RNF43: variants seen among roughly 807,000 people sequenced by gnomAD.
RNF43 encodes E3 ubiquitin-protein ligase RNF43.
A neutral mutation model predicts 78.4 loss-of-function variants in RNF43; 37 were observed. The observed-to-expected ratio is 0.47, with a 90% CI of 0.36 to 0.62. The LOEUF (loss-of-function observed/expected upper bound fraction) is 0.62. Ranked by LOEUF, RNF43 falls within the 20% of genes least tolerant of loss-of-function variation. The probability of loss-of-function intolerance (pLI) is 0.00; values close to 1 mark genes in which losing one functional copy is unlikely to be tolerated. For missense variants in RNF43, 774 were observed against 1,007.9 expected, an observed-to-expected ratio of 0.77 and a Z score of 3.14; for synonymous variants, 347 against 395.0, an observed-to-expected ratio of 0.88 and a Z score of 1.44.
intron 2 of RNF43, among the ~76,000 whole-genome samples, chr17:58,391,208 G>T (rs9904993): frequency 0.35 from 52,784 of 152,028 alleles, 9,877 homozygotes; most frequent in East Asian, 0.51. Context: ...AAAGGGTGAG[G>T]GATGAGCCTT....
Position 58,417,247 on chromosome 17 carries a change from G to A in RNF43, c.-616C>T, listed in dbSNP as rs1974145570. ...CAAAGGCAGAAATTTACTCCGGGAT[G>A]AGAGATGCTGTCCCCTAGAACTAAA... On this transcript the variant is annotated 5_prime_UTR_variant, in exon 1 of 10. Transcript: ENST00000407977. The A allele has an allele frequency of 6.6e-6, 1 of 152,218 alleles. No homozygotes were observed. The highest frequency in any genetic ancestry group is 2.4e-5 in the African/African-American group (1 of 41,454). The allele number at this position is 152,218 out of a possible 1,614,324, so 9.4% of individuals were successfully genotyped here.
At chr17:58,390,292 A>C (rs1598154937) in intron 2 of RNF43, among the ~76,000 whole-genome samples, 1 of 152,312 alleles carries the variant, frequency 6.6e-6, no homozygotes, top group East Asian at 1.9e-4. Flanking sequence ...GGCCCCAGTC[A>C]AGTTATATAA....
intron 2 of RNF43, among the ~76,000 whole-genome samples, chr17:58,385,268 CA>C (rs1252401054): frequency 1.3e-5 from 2 of 152,142 alleles, no homozygotes; most frequent in African/African-American, 4.8e-5. Flanking sequence ...TCTCTGAAGT[CA>C]AATCTTCTAT....
rs2143383681 is a variant in RNF43, at chr17:58,357,484, C to T, written c.2292G>A (p.Val764=). ...AAAACTCACCAGGCTGGGCCGACAG[C>T]ACCTGGCAGTGCGGATAAGGGCATG... ...GRPCPYPHCQ[V]LSAQPGSEEE... is the part of the protein sequence containing the mutation. Residue 764 remains valine, a synonymous_variant, in exon 9 of 10, where the codon GTG becomes GTA. Transcript: ENST00000407977. The surrounding 1 kb of genome is among the most constrained non-coding windows in gnomAD (Gnocchi z 4.5). 1.2e-6 allele frequency: 2 copies of T among 1,614,130 alleles called. No individual in the cohort carries two copies. Among genetic ancestry groups the T allele is most frequent in the Non-Finnish European group, 1.7e-6 (2 of 1,180,048 alleles).
chr17:58,392,914 T>A (rs868819279), intron 2 of RNF43, among the ~76,000 whole-genome samples: 4 of 152,250 alleles, frequency 2.6e-5, no homozygotes, highest in Non-Finnish European at 2.9e-5. Context: ...CTTTGGGTTA[T>A]CTACCTTGAG....
At chr17:58,413,259 A>G (rs911314745) in intron 2 of RNF43, among the ~76,000 whole-genome samples, 1 of 152,166 alleles carries the variant, frequency 6.6e-6, no homozygotes. Flanking sequence ...AAAGAAAACC[A>G]TATATATAAT....
At chr17:58,406,776 G>A (rs1391716594) in intron 2 of RNF43, among the ~76,000 whole-genome samples, 1 of 148,788 alleles carries the variant, frequency 6.7e-6, no homozygotes, top group Non-Finnish European at 1.5e-5. Context: ...TTTTAAAATA[G>A]CAAAATAAGT....
In RNF43 at chr17:58,371,025, C is replaced by G. The variant is rs201505819; in HGVS notation, c.261G>C (p.Pro87=). 5 of 1,595,922 alleles carry G rather than the reference C, an allele frequency of 3.1e-6. No individual in the cohort carries two copies. In the African/African-American group the frequency reaches 6.7e-5, roughly 21 times the overall value. Reference sequence around the variant, plus strand: ...CATCACTGGCATTGCACAGGTACAGCGGGTGGGACTGCAGAGAGAGACAGA... The same window carrying G: ...CATCACTGGCATTGCACAGGTACAGGGGGTGGGACTGCAGAGAGAGACAGA... ...PAEGKLMQSH[P]LYLCNASDDD... is the part of the protein sequence containing the mutation. The change falls in exon 3 of 10, where the codon CCG becomes CCC. Residue 87 remains proline (P), a synonymous_variant. Coordinates refer to ENST00000407977, the MANE Select transcript of RNF43 (RefSeq NM_017763.6).
At chr17:58,386,375 T>C (rs1486564567) in intron 2 of RNF43, among the ~76,000 whole-genome samples, 1 of 152,022 alleles carries the variant, frequency 6.6e-6, no homozygotes. Flanking sequence ...TGCAGTGAGC[T>C]GAGATTGTGC....
chr17:58,370,071 T>TG (rs1475093137), intron 3 of RNF43, among the ~76,000 whole-genome samples: 8 of 100,150 alleles, frequency 8.0e-5, no homozygotes, highest in African/African-American at 2.6e-4. Context: ...TTTTTTTTTT[T>TG]TTTTTTTTTT....
At chr17:58,397,058 A>C (rs75581591) in intron 2 of RNF43, among the ~76,000 whole-genome samples, 2 of 147,874 alleles carry the variant, frequency 1.4e-5, no homozygotes, top group East Asian at 2.0e-4. Context: ...AAAAAAAAAA[A>C]CTCCGTGTGT....
Position 58,402,398 on chromosome 17 carries a change from A to C in RNF43, c.252+12928T>G, listed in dbSNP as rs184714834. Among the ~76,000 whole-genome samples the C allele has an allele frequency of 1.7e-3, 255 of 152,372 alleles. 1 individual carries two copies. Among genetic ancestry groups the C allele is most frequent in the African/African-American group, 5.9e-3 (247 of 41,590 alleles). ...AAATAACAAGAATGTACTTTGCCCA[A>C]GGCATAATTCTGCCTAAATTTGCCC... On this transcript the variant is annotated intron_variant, in intron 2 of 9. Transcript: ENST00000407977.
At position 58,358,634 on chromosome 17, in the gene RNF43, G is replaced by A. The variant is rs2143422706; in HGVS notation, c.1142C>T (p.Pro381Leu). The part of the protein sequence containing the change: ...RPGPFLPSQE[P>L]GMGPRHHRFP... The stretch of plus-strand genomic sequence containing the variant: ...GCGGTGATGCCGAGGGCCCATGCCT[G>A]GCTCCTGGGATGGCAGGAAGGGACC... Residue 381 changes from proline to leucine, a missense_variant, in exon 9 of 10, where the codon CCA (proline) becomes CTA (leucine). Coordinates refer to ENST00000407977, the MANE Select transcript of RNF43 (RefSeq NM_017763.6). This position sits in a 1 kb window ranked among gnomAD's most constrained non-coding sequence, Gnocchi z 6.2. The A allele has an allele frequency of 6.5e-7, 1 of 1,540,774 alleles. No individual in the cohort carries two copies. Among genetic ancestry groups the A allele is most frequent in the South Asian group, 1.2e-5 (1 of 81,186 alleles).
At chr17:58,375,903 A>G (rs1283796421) in intron 2 of RNF43, among the ~76,000 whole-genome samples, 1 of 152,220 alleles carries the variant, frequency 6.6e-6, no homozygotes, top group Admixed American at 6.5e-5. Context: ...AATGTTGTTT[A>G]AAGTTCTCCC....
intron 3 of RNF43, 124 bp from the exon 4 acceptor site, chr17:58,363,724 A>C: frequency 1.3e-6 from 1 of 753,958 alleles, no homozygotes; most frequent in Non-Finnish European, 2.1e-6. Flanking sequence ...ATCTTTGCAC[A>C]CTCACATCTA....
intron 2 of RNF43, among the ~76,000 whole-genome samples, chr17:58,396,525 AG>A (rs771072783): frequency 6.6e-6 from 1 of 152,106 alleles, no homozygotes; most frequent in Non-Finnish European, 1.5e-5. Context: ...AGGGGACTTG[AG>A]GGGGAAAAAA....
At chr17:58,402,560 A>T (rs1443016118) in intron 2 of RNF43, 1 of 152,202 alleles carries the variant, frequency 6.6e-6, no homozygotes, top group East Asian at 1.9e-4. Flanking sequence ...TTTAAGAGGG[A>T]GCCAAAATCT....
intron 2 of RNF43, among the ~76,000 whole-genome samples, chr17:58,405,615 G>A (rs1360013090): frequency 6.6e-6 from 1 of 151,440 alleles, no homozygotes; most frequent in Non-Finnish European, 1.5e-5. Context: ...GGAGTTCAAG[G>A]TTATAGTAAG....
chr17:58,379,736 C>G (rs757484), intron 2 of RNF43, among the ~76,000 whole-genome samples: 128,994 of 152,272 alleles, frequency 0.85, 54,948 homozygotes, highest in East Asian at 1. Context: ...GTAAGGAGAA[C>G]AAGAGCTAAT....
Sources: gnomAD v4.1 joint callset for allele counts (sites outside exome capture counted in the v4.1 genomes callset) on GRCh38, gnomAD v4.1.1 for gene constraint, Gnocchi (gnomAD v3.1) non-coding constraint, MANE v1.5 for transcripts, NCBI Gene and HGNC (gene_info 2026-07-23, HGNC 2026-07-21) for gene names.